The following PLEKHG5 variants were observed in gnomAD, a reference collection of about 807,000 sequenced individuals.
PLEKHG5 encodes pleckstrin homology domain-containing family G member 5.
PLEKHG5 carries 52 observed loss-of-function variants against 103.8 expected under a neutral mutation model. The observed-to-expected ratio is 0.50, with a 90% CI of 0.40 to 0.63. The LOEUF is 0.63. Ranked by LOEUF, PLEKHG5 falls within the 30% of genes least tolerant of loss-of-function variation. The probability of loss-of-function intolerance (pLI) is 0.00; values close to 1 mark genes in which losing one functional copy is unlikely to be tolerated. For synonymous variants in PLEKHG5, 592 were observed against 575.5 expected (o/e 1.03, Z -0.41); for missense variants, 1,205 against 1,347.6 (o/e 0.89, Z 1.66).
At chr1:6,494,174 A>T (rs1432464252), upstream of PLEKHG5, among the ~76,000 whole-genome samples, 1 of 126,116 alleles carries the variant, frequency 7.9e-6, no homozygotes, top group Non-Finnish European at 1.6e-5. Flanking sequence ...CTTGTTGCCC[A>T]GGCTGGAGTG....
intron 5 of PLEKHG5, 152 bp from the exon 6 acceptor site, chr1:6,474,739 G>A (rs1644709442): frequency 3.8e-6 from 3 of 779,566 alleles, no homozygotes; most frequent in Admixed American, 2.0e-5. Flanking sequence ...TCACACGCAG[G>A]TCCACAGACA....
chr1:6,468,521 G>A lies in PLEKHG5; in HGVS notation c.2315C>T (p.Ser772Phe). 1 of 1,612,968 alleles carries A rather than the reference G, an allele frequency of 6.2e-7. No individual in the cohort carries two copies. Among genetic ancestry groups the A allele is most frequent in the Non-Finnish European group, 8.5e-7 (1 of 1,179,900 alleles). ...VVVEPGDTLS[S>F]PEFDSGPFSS... ...GAAAGGACCGCTGTCGAACTCGGGGGAGGACAGCGTGTCCCCAGGCTCTAC... is the reference window on the plus strand; with the variant it reads ...GAAAGGACCGCTGTCGAACTCGGGGAAGGACAGCGTGTCCCCAGGCTCTAC... The change falls in exon 20 of 21, where the codon TCC becomes TTC. Residue 772 changes from serine to phenylalanine, a missense_variant. By Grantham distance (155) the Ser-to-Phe change is radical (BLOSUM62 -2). Coordinates refer to ENST00000377728, the MANE Select transcript of PLEKHG5 (RefSeq NM_020631.6).
chr1:6,501,580 A>C (rs1315001214), upstream of PLEKHG5, among the ~76,000 whole-genome samples: 2 of 152,184 alleles, frequency 1.3e-5, no homozygotes, highest in Non-Finnish European at 2.9e-5. This position sits in a 1 kb window ranked among gnomAD's most constrained non-coding sequence, Gnocchi z 4.3. Context: ...GTGTCGTTTC[A>C]CCATCTAACT....
At chr1:6,507,492 C>A (rs544225588) in intron 1 of PLEKHG5, among the ~76,000 whole-genome samples, 6 of 152,312 alleles carry the variant, frequency 3.9e-5, no homozygotes, top group East Asian at 1.9e-4. Flanking sequence ...CCACCTGTGC[C>A]CCCCCAGCCT....
chr1:6,475,408 G>A, intron 4 of PLEKHG5, 54 bp downstream of exon 4: 2 of 1,507,316 alleles, frequency 1.3e-6, no homozygotes, highest in East Asian at 4.5e-5. Flanking sequence ...CAGGCTCGGG[G>A]AAGGGCGCAG....
chr1:6,476,053 A>AGAG lies in PLEKHG5; in HGVS notation c.44-20_44-18dup. On this transcript the variant is annotated splice_polypyrimidine_tract_variant and intron_variant, in intron 2 of 20. Coordinates refer to ENST00000377728, the MANE Select transcript of PLEKHG5 (RefSeq NM_020631.6). ...GCACAGAGCCTTGGGAGAAAGCAGG[A>AGAG]GAGGGTTGTGCCTCCCCCGCCCCTC... is the stretch of plus-strand genomic sequence containing the variant. 1.9e-6 allele frequency: 3 copies of AGAG among 1,608,866 alleles called. No homozygotes were observed. The highest frequency in any genetic ancestry group is 2.5e-6 in the Non-Finnish European group (3 of 1,177,180).
At chr1:6,471,704 T>G in intron 11 of PLEKHG5, 54 bp downstream of exon 11, 1 of 1,584,298 alleles carries the variant, frequency 6.3e-7, no homozygotes, top group Non-Finnish European at 8.6e-7. Context: ...CAGGTCCAGG[T>G]CCCGCCCTCC....
chr1:6,475,492 G>T lies in PLEKHG5; in HGVS notation c.180C>A (p.Ser60=). The T allele has an allele frequency of 6.2e-7, 1 of 1,613,586 alleles. No homozygotes were observed. The highest frequency in any genetic ancestry group is 8.5e-7 in the Non-Finnish European group (1 of 1,179,912). ...GDRKSTGLKL[S]KKKARRRHTD... ...TGTGTCTCCTCCTTGCTTTCTTCTTGGAGAGTTTCAGGCCTGTGCTCTTCC... is the reference window on the plus strand; with the variant it reads ...TGTGTCTCCTCCTTGCTTTCTTCTTTGAGAGTTTCAGGCCTGTGCTCTTCC... Residue 60 remains serine (S), a synonymous_variant, in exon 4 of 21, where the codon TCC becomes TCA. Transcript: ENST00000377728.
At chr1:6,517,114 G>A (rs1332350502) in intron 1 of PLEKHG5, among the ~76,000 whole-genome samples, 1 of 139,264 alleles carries the variant, frequency 7.2e-6, no homozygotes, top group Non-Finnish European at 1.5e-5. Context: ...GCCAGGCGCG[G>A]TAGCTCACGC....
rs1371350296 is a variant in PLEKHG5, at chr1:6,472,628, G to C, written c.985-6C>G. On this transcript the variant is annotated splice_region_variant and splice_polypyrimidine_tract_variant and intron_variant, in intron 9 of 20. Transcript: ENST00000377728. ...CACTGCCGCCGGGTCAGCTTCTAGA[G>C]GGAGGGCAGGATGGGTCATTCACGA... The C allele has an allele frequency of 1.2e-6, 2 of 1,607,798 alleles. No individual in the cohort carries two copies. The highest frequency in any genetic ancestry group is 1.7e-6 in the Non-Finnish European group (2 of 1,175,904).
chr1:6,469,608 C>G lies in PLEKHG5; in HGVS notation c.1869G>C (p.Arg623Ser). The change falls in exon 17 of 21, where the codon AGG (arginine) becomes AGC (serine). Residue 623 changes from arginine to serine, a missense_variant. Physicochemically the swap from Arg to Ser is moderately radical, Grantham distance 110 (BLOSUM62 -1). Transcript: ENST00000377728. Reference protein sequence around the residue: ...LVTKAVKKAERTRVIRPPLLV... With the variant: ...LVTKAVKKAESTRVIRPPLLV... ...GCAGGGGTGGCCTGATGACCCTGGT[C>G]CTCTCTGCCTTCTTCACTGCTTTGG... 4.3e-6 allele frequency: 7 copies of G among 1,613,832 alleles called. No individual in the cohort carries two copies. Among genetic ancestry groups the G allele is most frequent in the Non-Finnish European group, 5.1e-6 (6 of 1,180,040 alleles).
Position 6,475,462 on chromosome 1 carries a change from A to G in PLEKHG5, c.210T>C (p.Asp70=). Residue 70 remains aspartate, a splice_region_variant and synonymous_variant, in exon 4 of 21, where the codon GAT becomes GAC. Coordinates refer to ENST00000377728, the MANE Select transcript of PLEKHG5 (RefSeq NM_020631.6). ...SKKKARRRHT[D]DPSKECFTLK... ...CTGCCGGCTCTGGGGGGCTCCTCAC[A>G]TCCGTGTGTCTCCTCCTTGCTTTCT... is the stretch of plus-strand genomic sequence containing the variant. The G allele has an allele frequency of 6.2e-7, 1 of 1,612,576 alleles. No homozygotes were observed.
At chr1:6,485,754 C>T in intron 1 of PLEKHG5, 1 of 488,138 alleles carries the variant, frequency 2.0e-6, no homozygotes, top group Non-Finnish European at 2.7e-6. Flanking sequence ...TCTGCCCGGC[C>T]GGGGGACCCC....
At chr1:6,519,467 C>T (rs1302149663) in exon 1 of PLEKHG5, 2 of 1,613,786 alleles carry the variant, frequency 1.2e-6, no homozygotes, top group African/African-American at 1.3e-5. Context: ...AAAGGCTGAG[C>T]CAGCTTCGAG....
At chr1:6,475,415 G>T (rs761743929) in intron 4 of PLEKHG5, 47 bp downstream of exon 4, 1 of 1,536,216 alleles carries the variant, frequency 6.5e-7, no homozygotes, top group East Asian at 2.2e-5. Context: ...GGGGAAGGGC[G>T]CAGGCTGTAG....
intron 9 of PLEKHG5, 104 bp from the exon 10 acceptor site, chr1:6,472,726 A>C: frequency 1.2e-6 from 1 of 862,690 alleles, no homozygotes; most frequent in Non-Finnish European, 1.9e-6. Context: ...CAATGGGGAC[A>C]TGGAGGTCCC....
chr1:6,518,073 C>G (rs545815115), intron 1 of PLEKHG5, among the ~76,000 whole-genome samples: 4 of 152,056 alleles, frequency 2.6e-5, no homozygotes, highest in African/African-American at 9.6e-5. Context: ...GCTGGGACTA[C>G]AGGCGCCTGC....
chr1:6,484,750 C>T (rs922541195), intron 1 of PLEKHG5, among the ~76,000 whole-genome samples: 7 of 152,158 alleles, frequency 4.6e-5, no homozygotes, highest in African/African-American at 1.4e-4. Flanking sequence ...GCAGGAGGGA[C>T]ACCAGGGTCC....
intron 1 of PLEKHG5, among the ~76,000 whole-genome samples, chr1:6,518,578 A>G (rs1638692357): frequency 6.6e-6 from 1 of 151,732 alleles, no homozygotes; most frequent in Non-Finnish European, 1.5e-5. Flanking sequence ...AAAAAAAAGA[A>G]AAAGAAAAAA....
Sources: gnomAD v4.1 joint callset for allele counts (sites outside exome capture counted in the v4.1 genomes callset) on GRCh38, gnomAD v4.1.1 for gene constraint, Gnocchi (gnomAD v3.1) non-coding constraint, MANE v1.5 for transcripts, NCBI Gene and HGNC (gene_info 2026-07-23, HGNC 2026-07-21) for gene names.